ATAD2B: variants seen among roughly 807,000 people sequenced by gnomAD.
ATAD2B encodes ATPase family AAA domain containing 2B, also known as ATPase family AAA domain-containing protein 2B.
In ATAD2B, 40 loss-of-function variants were observed where a neutral mutation model predicts 167.6. The ratio of observed to expected loss-of-function variants is 0.24; its 90% CI spans 0.19 to 0.31. ATAD2B has a LOEUF of 0.31. Among genes scored for constraint, ATAD2B ranks in the 10% least tolerant of loss-of-function variants. The probability of loss-of-function intolerance (pLI) is 1.00; values close to 1 mark genes in which losing one functional copy is unlikely to be tolerated. For missense variants in ATAD2B, 1,242 were observed against 1,757.2 expected, an observed-to-expected ratio of 0.71 and a Z score of 5.24; for synonymous variants, 579 against 596.5, an observed-to-expected ratio of 0.97 and a Z score of 0.43.
rs1558713989 is a variant in ATAD2B, at chr2:23,878,025, A to AAAAAAAAAAAAAAAGAAAAAG, written c.902-2122_902-2121insCTTTTTCTTTTTTTTTTTTTT. Among the ~76,000 whole-genome samples the AAAAAAAAAAAAAAAGAAAAAG allele has an allele frequency of 1.2e-4, 13 of 106,966 alleles. No individual in the cohort carries two copies. The East Asian group carries it at 3.1e-3, about 25-fold the overall frequency. The allele number at this position is 106,966 out of a possible 152,430, so 70.2% of individuals were successfully genotyped here. A position where few individuals can be genotyped will look rare whatever the true frequency, so the allele number is the denominator to read the frequency against. On this transcript the variant is annotated intron_variant, in intron 7 of 27. Coordinates refer to ENST00000238789, the MANE Select transcript of ATAD2B (RefSeq NM_017552.4). The stretch of plus-strand genomic sequence containing the variant: ...ACCCTATCTCCAAAGAAAAAAAAAA[A>AAAAAAAAAAAAAAAGAAAAAG]AAAAAAAAAAAAAAGCAAAATGTAT...
intron 17 of ATAD2B, among the ~76,000 whole-genome samples, chr2:23,815,922 A>C (rs1307727215): frequency 6.6e-6 from 1 of 152,136 alleles, no homozygotes; most frequent in African/African-American, 2.4e-5. Flanking sequence ...ATTTTACTGA[A>C]TGTCTCCTCT....
chr2:23,836,519 G>A (rs1360013196), intron 13 of ATAD2B, among the ~76,000 whole-genome samples: 2 of 152,190 alleles, frequency 1.3e-5, no homozygotes, highest in East Asian at 3.9e-4. Context: ...CATCTGACAG[G>A]TCCCGAGTTC....
the ATAD2B span, among the ~76,000 whole-genome samples, chr2:23,728,959 CAATCAT>C: frequency 7.9e-5 from 12 of 152,116 alleles, no homozygotes; most frequent in African/African-American, 2.9e-4. Context: ...AGGAAACTTA[CAATCAT>C]GGCGGAAGGT....
intron 24 of ATAD2B, among the ~76,000 whole-genome samples, chr2:23,759,293 C>G (rs1676352249): frequency 1.3e-5 from 2 of 151,962 alleles, no homozygotes; most frequent in South Asian, 4.2e-4. Context: ...GAAAAGCTTC[C>G]TGGGCAAAGA....
chr2:23,812,967 T>C (rs1284348307), intron 17 of ATAD2B, among the ~76,000 whole-genome samples: 1 of 152,000 alleles, frequency 6.6e-6, no homozygotes, highest in East Asian at 1.9e-4. Flanking sequence ...CATAGTTTCA[T>C]TTTATTAAAC....
intron 15 of ATAD2B, among the ~76,000 whole-genome samples, chr2:23,826,534 G>C (rs1341508295): frequency 6.6e-6 from 1 of 152,018 alleles, no homozygotes; most frequent in African/African-American, 2.4e-5. Flanking sequence ...ATCAAATAAA[G>C]AGCATTCCTG....
chr2:23,839,008 TCTTAGA>T (rs1690454969), intron 13 of ATAD2B, among the ~76,000 whole-genome samples: 1 of 152,180 alleles, frequency 6.6e-6, no homozygotes, highest in African/African-American at 2.4e-5. Flanking sequence ...ACATGAGACT[TCTTAGA>T]CTTACTCATA....
At chr2:23,711,365 T>C in the ATAD2B span, among the ~76,000 whole-genome samples, 7 of 113,060 alleles carry the variant, frequency 6.2e-5, no homozygotes, top group African/African-American at 1.2e-4. Flanking sequence ...TTTTTTTTTT[T>C]TTTTTTTTTT....
chr2:23,819,228 T>G (rs1375021611), intron 17 of ATAD2B, among the ~76,000 whole-genome samples: 1 of 152,176 alleles, frequency 6.6e-6, no homozygotes, highest in Non-Finnish European at 1.5e-5. Context: ...CCAGGTACAG[T>G]GGCATACGCC....
At chr2:23,696,560 G>A in the ATAD2B span, 1 of 1,423,248 alleles carries the variant, frequency 7.0e-7, no homozygotes, top group Non-Finnish European at 9.4e-7. This position sits in a 1 kb window ranked among gnomAD's most constrained non-coding sequence, Gnocchi z 5.5. Flanking sequence ...TGCTCACCAA[G>A]AACTGAAATC....
the ATAD2B span, among the ~76,000 whole-genome samples, chr2:23,702,554 T>A: frequency 1.3e-5 from 2 of 152,310 alleles, no homozygotes; most frequent in South Asian, 4.1e-4. Context: ...GCCCACTCAG[T>A]CCTGCTTCCC....
intron 1 of ATAD2B, among the ~76,000 whole-genome samples, chr2:23,906,694 T>C (rs540330678): frequency 2.0e-5 from 3 of 152,108 alleles, no homozygotes; most frequent in Admixed American, 2.0e-4. Context: ...ATATCCTTGA[T>C]GAACATTGAT....
the ATAD2B span, among the ~76,000 whole-genome samples, chr2:23,737,960 C>T: frequency 2.0e-5 from 3 of 151,306 alleles, no homozygotes; most frequent in South Asian, 4.2e-4. Flanking sequence ...TGATGGAAGA[C>T]GAAATGAATG....
intron 19 of ATAD2B, among the ~76,000 whole-genome samples, chr2:23,791,393 C>A (rs185744039): frequency 6.6e-6 from 1 of 152,142 alleles, no homozygotes; most frequent in Non-Finnish European, 1.5e-5. Flanking sequence ...TATATAAGGA[C>A]TCCAGTTTCT....
intron 13 of ATAD2B, among the ~76,000 whole-genome samples, chr2:23,851,435 C>G (rs1164878739): frequency 6.6e-6 from 1 of 152,114 alleles, no homozygotes. Context: ...GCCACTGTGC[C>G]CAGTCATGAA....
chr2:23,841,337 TA>T (rs1018413640), intron 13 of ATAD2B, among the ~76,000 whole-genome samples: 18 of 152,198 alleles, frequency 1.2e-4, no homozygotes, highest in Non-Finnish European at 2.2e-4. Context: ...TTATTTTGTC[TA>T]AAATTAATGT....
intron 1 of ATAD2B, among the ~76,000 whole-genome samples, chr2:23,917,831 G>C (rs985438117): frequency 1.3e-5 from 2 of 152,032 alleles, no homozygotes; most frequent in African/African-American, 4.8e-5. Flanking sequence ...GGCCAAGCCG[G>C]GGGGATCACC....
chr2:23,810,423 G>A lies in ATAD2B; in HGVS notation c.2347C>T (p.Leu783Phe), dbSNP rs1221283898. The A allele has an allele frequency of 4.3e-6, 7 of 1,613,902 alleles. No homozygotes were observed. The highest frequency in any genetic ancestry group is 5.9e-6 in the Non-Finnish European group (7 of 1,179,814). Residue 783 changes from leucine (L) to phenylalanine (F), a missense_variant, in exon 18 of 28, where the codon CTT becomes TTT. Coordinates refer to ENST00000238789, the MANE Select transcript of ATAD2B (RefSeq NM_017552.4). ...GERGSGQTSH[L>F]APALLHTLER... ...AGAGTGTGCAAAAGTGCTGGAGCAAGGTGAGAAGTTTGACCTGAGCCCCGT... is the reference window on the plus strand; with the variant it reads ...AGAGTGTGCAAAAGTGCTGGAGCAAAGTGAGAAGTTTGACCTGAGCCCCGT...
At chr2:23,696,452 G>A in the ATAD2B span, 5 of 1,550,550 alleles carry the variant, frequency 3.2e-6, no homozygotes, top group South Asian at 3.6e-5. This position sits in a 1 kb window ranked among gnomAD's most constrained non-coding sequence, Gnocchi z 5.5. Context: ...CCTCGTCTAC[G>A]ATGGGAAGAT....
Sources: gnomAD v4.1 joint callset for allele counts (sites outside exome capture counted in the v4.1 genomes callset) on GRCh38, gnomAD v4.1.1 for gene constraint, Gnocchi (gnomAD v3.1) non-coding constraint, MANE v1.5 for transcripts, NCBI Gene and HGNC (gene_info 2026-07-23, HGNC 2026-07-21) for gene names.